The following MEIS2 variants were observed in gnomAD, a reference collection of about 807,000 sequenced individuals.
MEIS2 encodes homeobox protein Meis2.
Under a neutral mutation model 58.6 loss-of-function variants are expected in MEIS2, and 9 were observed. That is an observed-to-expected ratio of 0.15 (90% CI 0.09 to 0.27). The LOEUF (loss-of-function observed/expected upper bound fraction) is 0.27, where lower values mean the gene tolerates loss of function less well. Ranked by LOEUF, MEIS2 falls within the 10% of genes least tolerant of loss-of-function variation. The probability of loss-of-function intolerance (pLI) is 1.00; values close to 1 mark genes in which losing one functional copy is unlikely to be tolerated. For synonymous variants in MEIS2, 221 were observed against 228.4 expected, an observed-to-expected ratio of 0.97 and a Z score of 0.29; for missense variants, 427 against 635.0, an observed-to-expected ratio of 0.67 and a Z score of 3.52.
At chr15:36,906,086 G>A (rs576486424) in intron 9 of MEIS2, among the ~76,000 whole-genome samples, 3 of 152,210 alleles carry the variant, frequency 2.0e-5, no homozygotes, top group African/African-American at 4.8e-5. Flanking sequence ...AGTCCAGACC[G>A]GGGCCGATGT....
At chr15:36,899,800 G>C (rs1317748328) in intron 9 of MEIS2, among the ~76,000 whole-genome samples, 1 of 152,256 alleles carries the variant, frequency 6.6e-6, no homozygotes, top group South Asian at 2.1e-4. Flanking sequence ...ATAACATTTT[G>C]ATGAGTTAAG....
chr15:37,095,442 C>G (rs903740131), intron 4 of MEIS2, 122 bp downstream of exon 4: 44 of 1,467,602 alleles, frequency 3.0e-5, no homozygotes, highest in Non-Finnish European at 3.6e-5. Flanking sequence ...CTTCCTCCCT[C>G]TCTCCCTAGA....
chr15:36,897,517 A>G (rs2056242452), intron 9 of MEIS2: 1 of 152,262 alleles, frequency 6.6e-6, no homozygotes, highest in Admixed American at 6.5e-5. Context: ...TGCCTACTTC[A>G]TGTTACTTTA....
At chr15:37,046,543 T>C (rs915374878) in intron 7 of MEIS2, among the ~76,000 whole-genome samples, 2 of 152,192 alleles carry the variant, frequency 1.3e-5, no homozygotes. Context: ...AACAGACAGA[T>C]GGACACATAT....
intron 11 of MEIS2, chr15:36,894,768 A>G: frequency 6.2e-7 from 1 of 1,614,024 alleles, no homozygotes; most frequent in Non-Finnish European, 8.5e-7. Flanking sequence ...ATGTAGTGCC[A>G]TTGCCCATCC....
In MEIS2 at chr15:36,892,242, C is replaced by G. The variant is rs372766056; in HGVS notation, c.1365G>C (p.Gln455His). 6.2e-7 allele frequency: 1 copy of G among 1,613,974 alleles called. No homozygotes were observed. The highest frequency in any genetic ancestry group is 1.3e-5 in the African/African-American group (1 of 74,872). ...CTACAGAATTTAACATTGTGGGGCT[C>G]TGTGCTGACATAGTCATTCCAGGGT... is the stretch of plus-strand genomic sequence containing the variant. ...PTHPGMTMSA[Q>H]SPTMLNSVDP... is the part of the protein sequence containing the mutation. Residue 455 changes from glutamine (Q) to histidine (H), a missense_variant, in exon 12 of 12, where the codon CAG becomes CAC. Gln to His is a conservative substitution (Grantham distance 24, BLOSUM62 0). Coordinates refer to ENST00000561208, the MANE Select transcript of MEIS2 (RefSeq NM_170675.5).
At chr15:37,066,222 G>T (rs1392574580) in intron 7 of MEIS2, 1 of 152,132 alleles carries the variant, frequency 6.6e-6, no homozygotes, top group Non-Finnish European at 1.5e-5. Context: ...GGCTTATGAT[G>T]GCTCAGGCTC....
At chr15:37,051,024 A>G (rs2062896704) in intron 7 of MEIS2, 3 of 152,216 alleles carry the variant, frequency 2.0e-5, no homozygotes, top group Non-Finnish European at 4.4e-5. Context: ...GAAAAATTAC[A>G]TATACCTGAC....
chr15:37,010,323 A>G (rs1166639871), intron 8 of MEIS2, among the ~76,000 whole-genome samples: 2 of 151,876 alleles, frequency 1.3e-5, no homozygotes, highest in Admixed American at 6.6e-5. Flanking sequence ...TCCTGACCTC[A>G]TGATCCGCCC....
At chr15:36,960,029 G>A (rs542860040) in intron 8 of MEIS2, among the ~76,000 whole-genome samples, 17 of 151,904 alleles carry the variant, frequency 1.1e-4, no homozygotes, top group African/African-American at 3.9e-4. Context: ...AAAAAGTCTA[G>A]GTGAAAAAAA....
At chr15:36,947,283 T>G (rs1220301747) in intron 9 of MEIS2, among the ~76,000 whole-genome samples, 1 of 152,044 alleles carries the variant, frequency 6.6e-6, no homozygotes, top group East Asian at 1.9e-4. Context: ...CTCCCTACTG[T>G]AAATACACTG....
intron 7 of MEIS2, among the ~76,000 whole-genome samples, chr15:37,037,826 A>C (rs1363019001): frequency 6.6e-6 from 1 of 152,244 alleles, no homozygotes; most frequent in African/African-American, 2.4e-5. Context: ...GGAAGGCATC[A>C]ATCAAGAGCA....
intron 7 of MEIS2, among the ~76,000 whole-genome samples, chr15:37,078,642 A>G (rs1891782119): frequency 6.6e-6 from 1 of 150,958 alleles, no homozygotes; most frequent in Non-Finnish European, 1.5e-5. Flanking sequence ...ACACCAAAAA[A>G]GAAAACTCAT....
At chr15:36,917,954 T>A (rs1292635676) in intron 9 of MEIS2, among the ~76,000 whole-genome samples, 1 of 152,242 alleles carries the variant, frequency 6.6e-6, no homozygotes, top group Non-Finnish European at 1.5e-5. Context: ...CCCTGGTTCA[T>A]CTCCTTTCTC....
At chr15:37,086,725 A>AT (rs1892935854) in intron 6 of MEIS2, among the ~76,000 whole-genome samples, 1 of 152,222 alleles carries the variant, frequency 6.6e-6, no homozygotes, top group East Asian at 1.9e-4. Context: ...AGAAGGAAGA[A>AT]CAGATAAATC....
At chr15:36,966,732 G>A (rs1050073854) in intron 8 of MEIS2, among the ~76,000 whole-genome samples, 1 of 152,154 alleles carries the variant, frequency 6.6e-6, no homozygotes, top group African/African-American at 2.4e-5. Context: ...GAAAAATACA[G>A]AATCTCTCTG....
At chr15:36,987,330 C>A (rs12439246) in intron 8 of MEIS2, among the ~76,000 whole-genome samples, 4 of 150,320 alleles carry the variant, frequency 2.7e-5, no homozygotes, top group African/African-American at 9.8e-5. Flanking sequence ...ATCATTTGAA[C>A]CTGGTATGCA....
In MEIS2 at chr15:36,946,367, G is replaced by A. The variant is rs1313581192; in HGVS notation, c.977+3957C>T. Among the ~76,000 whole-genome samples the A allele has an allele frequency of 4.7e-5, 7 of 149,418 alleles. No individual in the cohort carries two copies. The East Asian group carries it at 1.4e-3, about 29-fold the overall frequency. On this transcript the variant is annotated intron_variant, in intron 9 of 11. Transcript: ENST00000561208. The stretch of plus-strand genomic sequence containing the variant: ...CGCCTAACCTTCACAGTTATTTGAA[G>A]CCACTTACCTCCTACAGTTCCCTAA...
intron 9 of MEIS2, among the ~76,000 whole-genome samples, chr15:36,926,698 A>G (rs4924110): frequency 0.016 from 2,438 of 152,328 alleles, 29 homozygotes; most frequent in Middle Eastern, 0.044. Flanking sequence ...AAACATCCAA[A>G]GCACAGATCA....
Sources: gnomAD v4.1 joint callset for allele counts (sites outside exome capture counted in the v4.1 genomes callset) on GRCh38, gnomAD v4.1.1 for gene constraint, MANE v1.5 for transcripts, NCBI Gene and HGNC (gene_info 2026-07-23, HGNC 2026-07-21) for gene names.